The following SPATS2 variants were observed in gnomAD, a reference collection of about 807,000 sequenced individuals.
SPATS2 encodes spermatogenesis-associated serine-rich protein 2.
In SPATS2, 38 loss-of-function variants were observed where a neutral mutation model predicts 63.7. The observed-to-expected ratio is 0.60, with a 90% confidence interval of 0.46 to 0.78. SPATS2 has a LOEUF of 0.78. Ranked by LOEUF, SPATS2 falls within the 30% of genes least tolerant of loss-of-function variation. The pLI is 0.00. For missense variants in SPATS2, 588 were observed against 666.2 expected (o/e 0.88, Z 1.29); for synonymous variants, 207 against 232.9 (o/e 0.89, Z 1.01).
chr12:49,477,779 C>G (rs550204711), intron 3 of SPATS2, among the ~76,000 whole-genome samples: 14 of 152,210 alleles, frequency 9.2e-5, no homozygotes, highest in Middle Eastern at 6.8e-3. Flanking sequence ...CTGATGTGCT[C>G]TGATTTGGTC....
rs529703435 is a variant in SPATS2, at chr12:49,494,811, C to T, written c.335C>T (p.Ser112Leu). 2 of 1,613,274 alleles carry T rather than the reference C, an allele frequency of 1.2e-6. No individual in the cohort carries two copies. Among genetic ancestry groups the T allele is most frequent in the East Asian group, 4.5e-5 (2 of 44,842 alleles). The change falls in exon 7 of 14, where the codon TCA becomes TTA. Residue 112 changes from serine (S) to leucine (L), a missense_variant. Coordinates refer to ENST00000552918, the MANE Select transcript of SPATS2 (RefSeq NM_023071.4). ...AACGGCATCCCAGATTCCAGTAAAT[C>T]AGTTTCCATTCAAGAGGAACAGTCT... The part of the protein sequence containing the change: ...PSNGIPDSSK[S>L]VSIQEEQSAP...
At chr12:49,520,441 A>T (rs1946921936) in intron 11 of SPATS2, among the ~76,000 whole-genome samples, 1 of 151,858 alleles carries the variant, frequency 6.6e-6, no homozygotes, top group Non-Finnish European at 1.5e-5. Flanking sequence ...TGACCTCCTC[A>T]TCCTTCCTGA....
rs546254724 is a variant in SPATS2 at position 49,474,233 on chromosome 12, T to C, written c.26-10357T>C. On this transcript the variant is annotated intron_variant, in intron 3 of 13. Transcript: ENST00000552918. ...TCTTCACAAGTTTAACACTTAAAGC[T>C]GCCTTGTGATAATTTTAACAATTAG... Among the ~76,000 whole-genome samples, 6 of 152,382 alleles carry C rather than the reference T, an allele frequency of 3.9e-5. No individual in the cohort carries two copies. In the East Asian group the frequency reaches 9.6e-4, roughly 24 times the overall value.
At chr12:49,438,347 C>G (rs1945354760) in intron 2 of SPATS2, among the ~76,000 whole-genome samples, 2 of 152,098 alleles carry the variant, frequency 1.3e-5, no homozygotes. Context: ...CACAATTAGT[C>G]TATTCATCTT....
At chr12:49,469,591 T>C (rs964909641) in intron 3 of SPATS2, 13 of 423,492 alleles carry the variant, frequency 3.1e-5, no homozygotes, top group Middle Eastern at 7.9e-4. Context: ...ATAAAACTTT[T>C]CACAGCTGAG....
At chr12:49,436,934 A>AC (rs1379105464) in intron 2 of SPATS2, among the ~76,000 whole-genome samples, 2 of 120,202 alleles carry the variant, frequency 1.7e-5, no homozygotes. Flanking sequence ...TCCCTCCCGG[A>AC]TGGGGCGGCT....
intron 7 of SPATS2, among the ~76,000 whole-genome samples, chr12:49,495,620 T>G (rs1946452465): frequency 6.6e-6 from 1 of 152,230 alleles, no homozygotes; most frequent in East Asian, 1.9e-4. Context: ...GTTATTCATA[T>G]CCTACTGCTC....
At chr12:49,488,713 C>G (rs1345230345) in intron 4 of SPATS2, among the ~76,000 whole-genome samples, 1 of 151,466 alleles carries the variant, frequency 6.6e-6, no homozygotes, top group Non-Finnish European at 1.5e-5. Flanking sequence ...AACAATAATG[C>G]TATGTGAAAA....
At chr12:49,410,837 T>C (rs1944785509) in intron 2 of SPATS2, among the ~76,000 whole-genome samples, 1 of 152,148 alleles carries the variant, frequency 6.6e-6, no homozygotes, top group African/African-American at 2.4e-5. Context: ...ATATTTAGTT[T>C]ATAATCTTTT....
At chr12:49,372,455 G>A (rs1166447074) in intron 2 of SPATS2, among the ~76,000 whole-genome samples, 2 of 152,056 alleles carry the variant, frequency 1.3e-5, no homozygotes, top group Admixed American at 6.6e-5. Context: ...CACTTAGGGT[G>A]GAAATGATTC....
In SPATS2 at chr12:49,395,537, G is replaced by A. The variant is rs552133741; in HGVS notation, c.-244+24247G>A. 6.6e-5 allele frequency among the ~76,000 whole-genome samples: 10 copies of A among 151,404 alleles called. No individual in the cohort carries two copies. The South Asian group carries it at 8.3e-4, about 13-fold the overall frequency. ...CCTCCATGATTCAAGTGATTCTCCC[G>A]CCTCAGCCTCCCGAGTAGCTGGGAT... is the stretch of plus-strand genomic sequence containing the variant. On this transcript the variant is annotated intron_variant, in intron 2 of 13. Coordinates refer to ENST00000552918, the MANE Select transcript of SPATS2 (RefSeq NM_023071.4).
chr12:49,481,196 C>T (rs1946199405), intron 3 of SPATS2, among the ~76,000 whole-genome samples: 1 of 152,090 alleles, frequency 6.6e-6, no homozygotes, highest in African/African-American at 2.4e-5. Flanking sequence ...CCTGTCTCTA[C>T]TAAAAATACA....
chr12:49,457,176 G>A (rs1945733550), intron 2 of SPATS2, among the ~76,000 whole-genome samples: 1 of 151,716 alleles, frequency 6.6e-6, no homozygotes, highest in South Asian at 2.1e-4. Context: ...TTGGTTTGAG[G>A]GTTTATATTG....
At chr12:49,413,515 C>G (rs1342545128) in intron 2 of SPATS2, among the ~76,000 whole-genome samples, 1 of 151,900 alleles carries the variant, frequency 6.6e-6, no homozygotes, top group East Asian at 1.9e-4. Context: ...GTGAGCCACC[C>G]TATCTTGCCA....
At chr12:49,420,617 A>G (rs1445547912) in intron 2 of SPATS2, among the ~76,000 whole-genome samples, 1 of 152,184 alleles carries the variant, frequency 6.6e-6, no homozygotes, top group Non-Finnish European at 1.5e-5. Context: ...AATAAAATGA[A>G]CACATGTAAA....
At chr12:49,386,445 C>T (rs984817144) in intron 2 of SPATS2, among the ~76,000 whole-genome samples, 9 of 152,118 alleles carry the variant, frequency 5.9e-5, no homozygotes, top group Admixed American at 1.3e-4. Flanking sequence ...GGATTACAGG[C>T]GTGAGCTACT....
chr12:49,497,065 G>T, intron 8 of SPATS2, 56 bp downstream of exon 8: 1 of 1,475,988 alleles, frequency 6.8e-7, no homozygotes, highest in South Asian at 1.4e-5. Flanking sequence ...TTTGGCTAAA[G>T]AGGGCAAATT....
rs1250018004 is a variant in SPATS2, at chr12:49,516,157, AAAAAAAAAAATATATAT to A, written c.898+1546_898+1562del. Among the ~76,000 whole-genome samples, 55 of 43,900 alleles carry A rather than the reference AAAAAAAAAAATATATAT, an allele frequency of 1.3e-3. 7 individuals are homozygous for A. The highest frequency in any genetic ancestry group is 5.0e-3 in the East Asian group (9 of 1,804). The allele number at this position is 43,900 out of a possible 152,430, so 28.8% of individuals were successfully genotyped here. A position where few individuals can be genotyped will look rare whatever the true frequency, so the allele number is the denominator to read the frequency against. On this transcript the variant is annotated intron_variant, in intron 10 of 13. Coordinates refer to ENST00000552918, the MANE Select transcript of SPATS2 (RefSeq NM_023071.4). ...CCATCTCAAAAAAAAAAAAAAAAAA[AAAAAAAAAAATATATAT>A]ATATATATATATATATATATATATA... is the stretch of plus-strand genomic sequence containing the variant.
intron 9 of SPATS2, among the ~76,000 whole-genome samples, chr12:49,502,911 C>A (rs754567458): frequency 6.6e-6 from 1 of 152,194 alleles, no homozygotes; most frequent in Non-Finnish European, 1.5e-5. Flanking sequence ...TAAATCCCAC[C>A]ATTTCTCCAA....
Sources: gnomAD v4.1 joint callset for allele counts (sites outside exome capture counted in the v4.1 genomes callset) on GRCh38, gnomAD v4.1.1 for gene constraint, MANE v1.5 for transcripts, NCBI Gene and HGNC (gene_info 2026-07-23, HGNC 2026-07-21) for gene names.